RNF114: variants seen among roughly 807,000 people sequenced by gnomAD.
The protein encoded by RNF114 is E3 ubiquitin-protein ligase RNF114.
A neutral mutation model predicts 28.4 loss-of-function variants in RNF114; 6 were observed. The observed-to-expected ratio is 0.21, with a 90% CI of 0.12 to 0.42. RNF114 has a LOEUF of 0.42. Among genes scored for constraint, RNF114 ranks in the 10% least tolerant of loss-of-function variants. The pLI, the probability that RNF114 is intolerant of heterozygous loss-of-function variation, is 1.00. For synonymous variants in RNF114, 115 were observed against 116.7 expected, an observed-to-expected ratio of 0.99 and a Z score of 0.09; for missense variants, 249 against 311.7, an observed-to-expected ratio of 0.80 and a Z score of 1.51.
At chr20:49,942,936 T>C (rs2090313333) in intron 2 of RNF114, among the ~76,000 whole-genome samples, 1 of 152,252 alleles carries the variant, frequency 6.6e-6, no homozygotes, top group Non-Finnish European at 1.5e-5. Context: ...AATGAGATTA[T>C]ACTATAATAT....
Position 49,947,952 on chromosome 20 carries a change from C to T in RNF114, c.514-1296C>T, listed in dbSNP as rs565516330. Among the ~76,000 whole-genome samples the T allele has an allele frequency of 1.3e-4, 19 of 151,466 alleles. No individual in the cohort carries two copies. The South Asian group carries it at 2.3e-3, about 18-fold the overall frequency. Reference sequence around the variant, plus strand: ...GACTACAGGTGCGCGCCACCATGCCCGGCTAATTTTTGTATTTATGGTAGA... The same window carrying T: ...GACTACAGGTGCGCGCCACCATGCCTGGCTAATTTTTGTATTTATGGTAGA... On this transcript the variant is annotated intron_variant, in intron 4 of 5. Coordinates refer to ENST00000244061, the MANE Select transcript of RNF114 (RefSeq NM_018683.4).
Position 49,952,575 on chromosome 20 carries a change from CAG to C in RNF114, c.*436_*437del, listed in dbSNP as rs2146861767. 2 of 256,096 alleles carry C rather than the reference CAG, an allele frequency of 7.8e-6. No homozygotes were observed. Among genetic ancestry groups the C allele is most frequent in the East Asian group, 1.5e-4 (2 of 13,600 alleles). 15.9% of individuals were successfully genotyped at this position (256,096 alleles called of 1,614,324 possible). On this transcript the variant is annotated 3_prime_UTR_variant, in exon 6 of 6. Coordinates refer to ENST00000244061, the MANE Select transcript of RNF114 (RefSeq NM_018683.4). ...CTCCTTTCCTTGTCCCCAAGGTGTG[CAG>C]ACTTTGGCAGCCGTGCACCTGACCA...
Position 49,949,646 on chromosome 20 carries a change from CATTT to C in RNF114, c.621+297_621+300del, listed in dbSNP as rs368646441. Among the ~76,000 whole-genome samples, 24 of 152,210 alleles carry C rather than the reference CATTT, an allele frequency of 1.6e-4. No homozygotes were observed. The East Asian group carries it at 2.9e-3, about 18-fold the overall frequency. On this transcript the variant is annotated intron_variant, in intron 5 of 5. Coordinates refer to ENST00000244061, the MANE Select transcript of RNF114 (RefSeq NM_018683.4). ...TGGGCCAGGCAGGTGGCCAGAGTGA[CATTT>C]ATTTACTTACATGAGATGGAGTCTT...
chr20:49,946,081 T>G, intron 3 of RNF114, 55 bp from the exon 4 acceptor site: 1 of 912,134 alleles, frequency 1.1e-6, no homozygotes, highest in South Asian at 1.5e-5. Context: ...GGTTGAAGTT[T>G]AATGGAAAGG....
chr20:49,948,402 G>A (rs1009691179), intron 4 of RNF114, among the ~76,000 whole-genome samples: 1 of 150,832 alleles, frequency 6.6e-6, no homozygotes. Flanking sequence ...CCTTTTCTCC[G>A]TGCTGCTGCC....
intron 2 of RNF114, chr20:49,943,849 C>CAT (rs2090317591): frequency 8.1e-6 from 1 of 123,604 alleles, no homozygotes; most frequent in African/African-American, 3.0e-5. Context: ...CACACACACA[C>CAT]ACACACACAT....
Position 49,936,565 on chromosome 20 carries a change from C to T in RNF114, c.140+13C>T. ...CCTGCGGACACGTGTAAGCGGCGAG[C>T]CCGGGCCTGGTCGGGGGGCGCTTAA... On this transcript the variant is annotated intron_variant, in intron 1 of 5. Transcript: ENST00000244061. 6.3e-7 allele frequency: 1 copy of T among 1,579,250 alleles called. No individual in the cohort carries two copies. The highest frequency in any genetic ancestry group is 8.6e-7 in the Non-Finnish European group (1 of 1,164,760).
chr20:49,939,571 A>G (rs2146853403), intron 1 of RNF114, among the ~76,000 whole-genome samples: 3 of 152,268 alleles, frequency 2.0e-5, no homozygotes, highest in Middle Eastern at 6.8e-3. Context: ...GCTTCAGGAT[A>G]GGAACTCGGT....
chr20:49,945,331 C>T (rs371718505), intron 2 of RNF114, 51 bp from the exon 3 acceptor site: 56 of 1,161,640 alleles, frequency 4.8e-5, no homozygotes, highest in Non-Finnish European at 7.3e-5. Flanking sequence ...CTATATTTTG[C>T]CTGTTGCAAG....
chr20:49,937,211 A>G (rs2090290722), intron 1 of RNF114, among the ~76,000 whole-genome samples: 1 of 152,186 alleles, frequency 6.6e-6, no homozygotes, highest in Non-Finnish European at 1.5e-5. Context: ...ATGTGTATAA[A>G]TGTCCAGTCC....
At chr20:49,945,954 C>T (rs2090329192) in intron 3 of RNF114, among the ~76,000 whole-genome samples, 182 bp from the exon 4 acceptor site, 1 of 152,234 alleles carries the variant, frequency 6.6e-6, no homozygotes, top group African/African-American at 2.4e-5. Context: ...GCGTAAACCA[C>T]CACGCCCGGC....
Position 49,952,580 on chromosome 20 carries a change from T to G in RNF114, c.*439T>G. On this transcript the variant is annotated 3_prime_UTR_variant, in exon 6 of 6. Coordinates refer to ENST00000244061, the MANE Select transcript of RNF114 (RefSeq NM_018683.4). Reference sequence around the variant, plus strand: ...TTCCTTGTCCCCAAGGTGTGCAGACTTTGGCAGCCGTGCACCTGACCAGAG... The same window carrying G: ...TTCCTTGTCCCCAAGGTGTGCAGACGTTGGCAGCCGTGCACCTGACCAGAG... 4.0e-6 allele frequency: 1 copy of G among 253,094 alleles called. No individual in the cohort carries two copies. Among genetic ancestry groups the G allele is most frequent in the Non-Finnish European group, 7.5e-6 (1 of 132,498 alleles). 15.7% of individuals were successfully genotyped at this position (253,094 alleles called of 1,614,324 possible).
chr20:49,945,142 G>A (rs2090324784), intron 2 of RNF114: 1 of 423,224 alleles, frequency 2.4e-6, no homozygotes, highest in East Asian at 4.5e-5. Context: ...CAAACCTCTA[G>A]GAGAGTTATT....
intron 1 of RNF114, among the ~76,000 whole-genome samples, chr20:49,939,243 G>A (rs1257041065): frequency 2.6e-5 from 4 of 152,178 alleles, no homozygotes; most frequent in Non-Finnish European, 5.9e-5. Flanking sequence ...ACTCTAGAAT[G>A]TAAGCATCAT....
chr20:49,946,322 T>C, intron 4 of RNF114, 72 bp downstream of exon 4: 1 of 779,090 alleles, frequency 1.3e-6, no homozygotes, highest in Non-Finnish European at 2.1e-6. Flanking sequence ...AATGACGGGA[T>C]TAGTAGAATG....
chr20:49,952,285 A>C lies in RNF114; in HGVS notation c.*144A>C. 5 of 727,998 alleles carry C rather than the reference A, an allele frequency of 6.9e-6. No homozygotes were observed. Among genetic ancestry groups the C allele is most frequent in the South Asian group, 6.1e-5 (4 of 65,954 alleles). The allele number at this position is 727,998 out of a possible 1,614,324, so 45.1% of individuals were successfully genotyped here. On this transcript the variant is annotated 3_prime_UTR_variant, in exon 6 of 6. Coordinates refer to ENST00000244061, the MANE Select transcript of RNF114 (RefSeq NM_018683.4). ...GGGACAGGGTCACTTCTGACAGGGG[A>C]AGTGGGTCCCCAGGTCAGCCCTTCT...
At chr20:49,940,412 CTTTT>C (rs373298495) in intron 1 of RNF114, among the ~76,000 whole-genome samples, 2 of 125,182 alleles carry the variant, frequency 1.6e-5, no homozygotes, top group Non-Finnish European at 3.5e-5. Context: ...CATCTGAACC[CTTTT>C]TTTTTTTTTT....
intron 1 of RNF114, 27 bp downstream of exon 1, chr20:49,936,579 G>T: frequency 6.3e-7 from 1 of 1,576,932 alleles, no homozygotes; most frequent in South Asian, 1.2e-5. Flanking sequence ...GGCCTGGTCG[G>T]GGGGCGCTTA....
rs887308687 is a variant in RNF114, at chr20:49,936,438, G to A, written c.26G>A (p.Gly9Glu). The change falls in exon 1 of 6, where the codon GGG (glycine) becomes GAG (glutamate). Residue 9 changes from glycine to glutamate, a missense_variant. By Grantham distance (98) the Gly-to-Glu change is moderately conservative. Coordinates refer to ENST00000244061, the MANE Select transcript of RNF114 (RefSeq NM_018683.4). Reference protein sequence around the residue: MAAQQRDCGGAAQLAGPAA... With the variant: MAAQQRDCEGAAQLAGPAA... ...ATGGCGGCGCAACAGCGGGACTGCG[G>A]GGGTGCTGCGCAGCTGGCGGGGCCG... 26 of 1,540,164 alleles carry A rather than the reference G, an allele frequency of 1.7e-5. No homozygotes were observed. Among genetic ancestry groups the A allele is most frequent in the African/African-American group, 2.8e-5 (2 of 71,036 alleles).
Sources: allele counts gnomAD v4.1 joint callset (sites outside exome capture counted in the v4.1 genomes callset), GRCh38; gene constraint gnomAD v4.1.1; transcripts MANE v1.5; gene names NCBI Gene and HGNC (gene_info 2026-07-23, HGNC 2026-07-21).